NEDD4: variants seen among roughly 807,000 people sequenced by gnomAD.
NEDD4 encodes NEDD4 E3 ubiquitin protein ligase.
NEDD4 carries 99 observed loss-of-function variants against 144.9 expected under a neutral mutation model. That is an observed-to-expected ratio of 0.68 (90% CI 0.58 to 0.81). The LOEUF (loss-of-function observed/expected upper bound fraction) is 0.81, where lower values mean the gene tolerates loss of function less well. Among genes scored for constraint, NEDD4 ranks in the 30% least tolerant of loss-of-function variants. The pLI, the probability that NEDD4 is intolerant of heterozygous loss-of-function variation, is 0.00. For synonymous variants in NEDD4, 318 were observed against 350.6 expected (o/e 0.91, Z 1.04); for missense variants, 985 against 1,065.9 (o/e 0.92, Z 1.06).
chr15:55,947,570 G>A (rs2142291697), intron 4 of NEDD4, among the ~76,000 whole-genome samples: 1 of 152,196 alleles, frequency 6.6e-6, no homozygotes, highest in East Asian at 1.9e-4. Flanking sequence ...ATTCACAGCT[G>A]AATTCTACCA....
chr15:55,860,499 T>A lies in NEDD4; in HGVS notation c.868A>T (p.Asn290Tyr), dbSNP rs769982355. The A allele has an allele frequency of 1.2e-6, 2 of 1,614,194 alleles. No individual in the cohort carries two copies. Among genetic ancestry groups the A allele is most frequent in the Non-Finnish European group, 1.7e-6 (2 of 1,180,022 alleles). Residue 290 changes from asparagine (N) to tyrosine (Y), a missense_variant, in exon 11 of 29, where the codon AAC becomes TAC. By Grantham distance (143) the Asn-to-Tyr change is moderately radical. Transcript: ENST00000435532. ...QAFPSPPPSS[N>Y]LDVPTHLAEE... ...GCAAGATGAGTTGGAACATCCAAGT[T>A]ACTTGACGGTGGAGGTGATGGGAAG...
rs1346517057 is a variant in NEDD4 at position 55,850,546 on chromosome 15, G to T, written c.1343C>A (p.Thr448Asn). 6.2e-7 allele frequency: 1 copy of T among 1,614,010 alleles called. No homozygotes were observed. The highest frequency in any genetic ancestry group is 1.1e-5 in the South Asian group (1 of 91,074). Residue 448 changes from threonine to asparagine, a missense_variant, in exon 14 of 29, where the codon ACC becomes AAC. Thr to Asn is a moderately conservative substitution (Grantham distance 65). Transcript: ENST00000435532. Reference protein sequence around the residue: ...FFIDHNTKTTTWEDPRLKIPA... With the variant: ...FFIDHNTKTTNWEDPRLKIPA... Reference sequence around the variant, plus strand: ...ATGGAAAAGTATCAAAGTTACCCAGGTGGTGGTTTTAGTGTTGTGGTCAAT... The same window carrying T: ...ATGGAAAAGTATCAAAGTTACCCAGTTGGTGGTTTTAGTGTTGTGGTCAAT...
At chr15:55,928,183 T>C (rs563155817) in intron 4 of NEDD4, among the ~76,000 whole-genome samples, 2 of 152,256 alleles carry the variant, frequency 1.3e-5, no homozygotes, top group South Asian at 2.1e-4. Flanking sequence ...CTAATTTTTG[T>C]ATTTTTTTAG....
At chr15:55,948,740 T>G (rs1470590557) in intron 4 of NEDD4, among the ~76,000 whole-genome samples, 13 of 152,144 alleles carry the variant, frequency 8.5e-5, no homozygotes, top group Admixed American at 6.5e-4. Context: ...CTGGGAAAAC[T>G]GGCGAGCCAT....
chr15:55,982,124 T>C (rs2037813542), intron 1 of NEDD4, among the ~76,000 whole-genome samples: 1 of 152,184 alleles, frequency 6.6e-6, no homozygotes, highest in African/African-American at 2.4e-5. Context: ...AAACTTCAAA[T>C]GTTGCTGAAA....
chr15:55,952,315 C>A (rs1444348166), intron 2 of NEDD4, among the ~76,000 whole-genome samples: 5 of 151,932 alleles, frequency 3.3e-5, no homozygotes, highest in African/African-American at 1.2e-4. Flanking sequence ...GCCTGGGCGA[C>A]AGAGCAAGAC....
intron 4 of NEDD4, among the ~76,000 whole-genome samples, chr15:55,937,815 A>G (rs909828894): frequency 2.6e-5 from 4 of 152,242 alleles, no homozygotes; most frequent in African/African-American, 9.6e-5. Context: ...AAGAAATAGA[A>G]CACATAATCC....
At chr15:55,852,623 C>T (rs1187301895) in intron 12 of NEDD4, 80 bp from the exon 13 acceptor site, 2 of 1,344,970 alleles carry the variant, frequency 1.5e-6, no homozygotes. Flanking sequence ...CCCTCTGTCC[C>T]TATGTCTACT....
chr15:55,950,952 G>T (rs2037227748), intron 4 of NEDD4, among the ~76,000 whole-genome samples: 1 of 152,164 alleles, frequency 6.6e-6, no homozygotes, highest in Non-Finnish European at 1.5e-5. Context: ...CTGCTGATTG[G>T]AATTTGCTTT....
chr15:55,923,254 A>AT (rs1304319564), intron 5 of NEDD4, among the ~76,000 whole-genome samples: 7 of 152,340 alleles, frequency 4.6e-5, no homozygotes, highest in Non-Finnish European at 7.4e-5. Flanking sequence ...AACATTTTAT[A>AT]TTCTTTTAAA....
At chr15:55,930,387 G>A (rs750179860) in intron 4 of NEDD4, among the ~76,000 whole-genome samples, 4 of 152,086 alleles carry the variant, frequency 2.6e-5, no homozygotes, top group Non-Finnish European at 4.4e-5. Context: ...ACTAGCCTTG[G>A]AAGATGTGAG....
chr15:55,836,585 G>C (rs1212098870), intron 24 of NEDD4, among the ~76,000 whole-genome samples: 1 of 152,112 alleles, frequency 6.6e-6, no homozygotes, highest in Non-Finnish European at 1.5e-5. Context: ...GAGTGCAGTG[G>C]CGTAATCTTG....
intron 1 of NEDD4, among the ~76,000 whole-genome samples, chr15:55,988,382 C>A (rs60503031): frequency 7.9e-6 from 1 of 126,168 alleles, no homozygotes; most frequent in African/African-American, 3.2e-5. Context: ...CTAGATGACA[C>A]GTTAGTGGGT....
chr15:55,936,448 A>G (rs1484368240), intron 4 of NEDD4, among the ~76,000 whole-genome samples: 1 of 152,206 alleles, frequency 6.6e-6, no homozygotes, highest in African/African-American at 2.4e-5. Context: ...AGGAAATCCC[A>G]GAAAAGCATA....
chr15:55,834,049 A>G lies in NEDD4; in HGVS notation c.2419T>C (p.Trp807Arg), dbSNP rs1432583621. The G allele has an allele frequency of 2.5e-6, 4 of 1,608,138 alleles. No individual in the cohort carries two copies. In the African/African-American group the frequency reaches 5.4e-5, roughly 22 times the overall value. The change falls in exon 26 of 29, where the codon TGG becomes CGG. Residue 807 changes from tryptophan (W) to arginine (R), a missense_variant. Physicochemically the swap from Trp to Arg is moderately radical, Grantham distance 101. Coordinates refer to ENST00000435532, the MANE Select transcript of NEDD4 (RefSeq NM_006154.4). ...GYSANHQVIQ[W>R]FWKAVLMMDS... ...AAGTTTCAAATTACCTTCCAAAACC[A>G]CTGTATAACCTGATGATTTGCACTG...
intron 24 of NEDD4, among the ~76,000 whole-genome samples, chr15:55,834,910 G>A (rs1473142612): frequency 6.6e-6 from 1 of 152,092 alleles, no homozygotes; most frequent in African/African-American, 2.4e-5. Flanking sequence ...CACCCATCAT[G>A]GCCTCCTTCC....
intron 4 of NEDD4, among the ~76,000 whole-genome samples, chr15:55,947,000 T>A (rs2037128071): frequency 6.6e-6 from 1 of 152,144 alleles, no homozygotes; most frequent in African/African-American, 2.4e-5. Context: ...TGGGACACAT[T>A]TAAAGCAGTG....
chr15:55,852,511 A>G lies in NEDD4; in HGVS notation c.1059T>C (p.Gly353=). The change falls in exon 13 of 29, where the codon GGT becomes GGC. Residue 353 remains glycine, a synonymous_variant. Coordinates refer to ENST00000435532, the MANE Select transcript of NEDD4 (RefSeq NM_006154.4). ...LLPTSSGLPP[G]WEEKQDERGR... is the part of the protein sequence containing the mutation. ...CTCTTTCATCTTGTTTTTCTTCCCA[A>G]CCTGGTGGTAATCCAGATGAAGTAG... The G allele has an allele frequency of 6.2e-7, 1 of 1,612,946 alleles. No individual in the cohort carries two copies. Among genetic ancestry groups the G allele is most frequent in the Non-Finnish European group, 8.5e-7 (1 of 1,179,472 alleles).
chr15:55,946,021 G>C (rs1390481699), intron 4 of NEDD4, among the ~76,000 whole-genome samples: 2 of 152,014 alleles, frequency 1.3e-5, no homozygotes, highest in African/African-American at 2.4e-5. Context: ...ACATGGAAGG[G>C]AACAACCAGT....
Sources: gnomAD v4.1 joint callset for allele counts (sites outside exome capture counted in the v4.1 genomes callset) on GRCh38, gnomAD v4.1.1 for gene constraint, MANE v1.5 for transcripts, NCBI Gene and HGNC (gene_info 2026-07-23, HGNC 2026-07-21) for gene names.